The following FGF5 variants were observed in gnomAD, a reference collection of about 807,000 sequenced individuals.
FGF5 encodes heparin-binding growth factor 5.
A neutral mutation model predicts 21.8 loss-of-function variants in FGF5; 23 were observed. The observed-to-expected ratio is 1.05, with a 90% CI of 0.76 to 1.49. The LOEUF is 1.49. Among genes scored for constraint, FGF5 ranks in the 40% most tolerant of loss-of-function variants. The probability of loss-of-function intolerance (pLI) is 0.00; values close to 1 mark genes in which losing one functional copy is unlikely to be tolerated. For synonymous variants in FGF5, 158 were observed against 124.0 expected (o/e 1.27, Z -1.82); for missense variants, 352 against 332.9 (o/e 1.06, Z -0.45).
In FGF5 at chr4:80,286,474, C is replaced by T. The variant is rs771675935; in HGVS notation, c.609C>T (p.Ser203=). The T allele has an allele frequency of 1.9e-6, 3 of 1,613,956 alleles. No homozygotes were observed. The highest frequency in any genetic ancestry group is 2.5e-6 in the Non-Finnish European group (3 of 1,179,922). The part of the protein sequence containing the change: ...NKRGKAKRGC[S]PRVKPQHIST... ...GAGGAAAAGCCAAACGAGGGTGCAG[C>T]CCCCGGGTTAAACCCCAGCATATCT... is the stretch of plus-strand genomic sequence containing the variant. The change falls in exon 3 of 3, where the codon AGC becomes AGT. Residue 203 remains serine (S), a synonymous_variant. Transcript: ENST00000312465.
intron 1 of FGF5, among the ~76,000 whole-genome samples, chr4:80,273,417 GC>G (rs1720325554): frequency 6.6e-6 from 1 of 152,048 alleles, no homozygotes; most frequent in Admixed American, 6.6e-5. Context: ...AGCAGTGCTT[GC>G]TAGAATTATA....
In FGF5 at chr4:80,266,712, A is replaced by G. The variant is rs1317233535; in HGVS notation, c.-113A>G. 28 of 902,938 alleles carry G rather than the reference A, an allele frequency of 3.1e-5. No homozygotes were observed. The highest frequency in any genetic ancestry group is 1.7e-6 in the Non-Finnish European group (1 of 592,398). The allele number at this position is 902,938 out of a possible 1,614,324, so 55.9% of individuals were successfully genotyped here. ...CTCTCCCCTTCTCTTCCCCGAGGCT[A>G]TGTCCACCCGGTGCGGCGAGGCGGG... On this transcript the variant is annotated 5_prime_UTR_variant, in exon 1 of 3. It removes an upstream start codon present in the reference 5' UTR. Transcript: ENST00000312465.
chr4:80,270,465 G>T (rs1174113833), intron 1 of FGF5, among the ~76,000 whole-genome samples: 1 of 151,892 alleles, frequency 6.6e-6, no homozygotes, highest in African/African-American at 2.4e-5. Context: ...AGTTTACATG[G>T]ACCAATTAAT....
intron 1 of FGF5, among the ~76,000 whole-genome samples, chr4:80,270,068 C>T (rs112314648): frequency 6.6e-6 from 1 of 152,192 alleles, no homozygotes; most frequent in Non-Finnish European, 1.5e-5. Context: ...TTGGCCATGG[C>T]CTTTCTTAGA....
chr4:80,270,732 T>C (rs1720247894), intron 1 of FGF5, among the ~76,000 whole-genome samples: 1 of 152,204 alleles, frequency 6.6e-6, no homozygotes, highest in African/African-American at 2.4e-5. Flanking sequence ...AATCAAGTAG[T>C]TGTCAGTTTA....
rs534973969 is a variant in FGF5 at position 80,287,899 on chromosome 4, C to G, written c.*1227C>G. Reference sequence around the variant, plus strand: ...TCTGATGTTTATTAAAAAAACTGGCCTTTTGATAGAGGTAACTTAATTTGG... The same window carrying G: ...TCTGATGTTTATTAAAAAAACTGGCGTTTTGATAGAGGTAACTTAATTTGG... On this transcript the variant is annotated 3_prime_UTR_variant, in exon 3 of 3. Coordinates refer to ENST00000312465, the MANE Select transcript of FGF5 (RefSeq NM_004464.4). The G allele has an allele frequency of 2.3e-4, 35 of 152,128 alleles. No homozygotes were observed. Among genetic ancestry groups the G allele is most frequent in the Middle Eastern group, 6.8e-3 (2 of 294 alleles). 9.4% of individuals were successfully genotyped at this position (152,128 alleles called of 1,614,324 possible).
rs369250747 is a variant in FGF5 at position 80,286,425 on chromosome 4, A to T, written c.560A>T (p.Glu187Val). 1 of 1,613,806 alleles carries T rather than the reference A, an allele frequency of 6.2e-7. No homozygotes were observed. Residue 187 changes from glutamate (E) to valine (V), a missense_variant, in exon 3 of 3, where the codon GAG becomes GTG. Transcript: ENST00000312465. ...CATAGAACTGAAAAAACAGGGCGGG[A>T]GTGGTATGTGGCCCTGAATAAAAGA... Reference protein sequence around the residue: ...AIHRTEKTGREWYVALNKRGK... With the variant: ...AIHRTEKTGRVWYVALNKRGK...
intron 2 of FGF5, among the ~76,000 whole-genome samples, chr4:80,277,285 C>T (rs1720439198): frequency 6.6e-6 from 1 of 152,088 alleles, no homozygotes; most frequent in South Asian, 2.1e-4. Flanking sequence ...TCTTGTCACT[C>T]ACTGAAGCTC....
At position 80,286,655 on chromosome 4, in the gene FGF5, A is replaced by G; in HGVS notation, c.790A>G (p.Lys264Glu). The G allele has an allele frequency of 6.2e-7, 1 of 1,613,528 alleles. No individual in the cohort carries two copies. Among genetic ancestry groups the G allele is most frequent in the Non-Finnish European group, 8.5e-7 (1 of 1,179,702 alleles). The change falls in exon 3 of 3, where the codon AAG (lysine) becomes GAG (glutamate). Residue 264 changes from lysine to glutamate, a missense_variant. Coordinates refer to ENST00000312465, the MANE Select transcript of FGF5 (RefSeq NM_004464.4). ...KNTNSVKYRL[K>E]FRFG ...TACCAACTCAGTGAAATACAGACTC[A>G]AGTTTCGCTTTGGATAATATTCCTC... is the stretch of plus-strand genomic sequence containing the variant.
At chr4:80,270,327 A>G (rs1215787974) in intron 1 of FGF5, among the ~76,000 whole-genome samples, 1 of 152,226 alleles carries the variant, frequency 6.6e-6, no homozygotes, top group East Asian at 1.9e-4. Flanking sequence ...TAGAACAGAT[A>G]ATCATATGTG....
chr4:80,274,213 T>A (rs3822016), intron 1 of FGF5, among the ~76,000 whole-genome samples: 88,729 of 151,968 alleles, frequency 0.58, 28,730 homozygotes, highest in African/African-American at 0.86. Flanking sequence ...AATACAAAAT[T>A]TATACAACAA....
chr4:80,276,967 C>T (rs954255181), intron 2 of FGF5, among the ~76,000 whole-genome samples: 6 of 151,942 alleles, frequency 3.9e-5, no homozygotes, highest in Non-Finnish European at 8.8e-5. Flanking sequence ...TCAAAATATT[C>T]TGATTTATGC....
At chr4:80,273,004 A>G (rs3796607) in intron 1 of FGF5, among the ~76,000 whole-genome samples, 4,667 of 152,182 alleles carry the variant, frequency 0.031, 104 homozygotes, top group Middle Eastern at 0.075. Context: ...AACATATTAC[A>G]TCTGTGTAGA....
chr4:80,284,308 C>T (rs1720647542), intron 2 of FGF5, among the ~76,000 whole-genome samples: 1 of 152,166 alleles, frequency 6.6e-6, no homozygotes, highest in African/African-American at 2.4e-5. Flanking sequence ...GTGGCACACA[C>T]CTGTAATCCC....
chr4:80,284,453 AAACAACAAC>A (rs34567621), intron 2 of FGF5, among the ~76,000 whole-genome samples: 2 of 151,822 alleles, frequency 1.3e-5, no homozygotes, highest in South Asian at 2.1e-4. Context: ...AACAATAACA[AAACAACAAC>A]AACAACAACA....
chr4:80,266,652 G>A (rs1720094867), upstream of FGF5: 2 of 599,100 alleles, frequency 3.3e-6, no homozygotes, highest in Admixed American at 6.4e-5. Context: ...CCCGGTGCCA[G>A]CGCGGAGATC....
rs140803064 is a variant in FGF5 at position 80,266,858 on chromosome 4, A to G, written c.34A>G (p.Ser12Gly). ...GTCCTTCCTCCTCCTCCTCTTCTTC[A>G]GCCACCTGATCCTCAGCGCCTGGGC... ...SLSFLLLLFF[S>G]HLILSAWAHG... The change falls in exon 1 of 3, where the codon AGC (serine) becomes GGC (glycine). Residue 12 changes from serine (S) to glycine (G), a missense_variant. Physicochemically the swap from Ser to Gly is moderately conservative, Grantham distance 56. Coordinates refer to ENST00000312465, the MANE Select transcript of FGF5 (RefSeq NM_004464.4). 2.4e-5 allele frequency: 39 copies of G among 1,605,762 alleles called. No homozygotes were observed. The African/African-American group carries it at 3.9e-4, about 16-fold the overall frequency.
At chr4:80,268,590 C>G in intron 1 of FGF5, 1 of 926,576 alleles carries the variant, frequency 1.1e-6, no homozygotes, top group Non-Finnish European at 1.3e-6. Flanking sequence ...GGCTGGCTAG[C>G]CTCCTCCGGT....
Position 80,275,338 on chromosome 4 carries a change from A to G in FGF5, c.459+326A>G, listed in dbSNP as rs1026485092. Among the ~76,000 whole-genome samples the G allele has an allele frequency of 7.2e-5, 11 of 151,996 alleles. No homozygotes were observed. In the South Asian group the frequency reaches 1.0e-3, roughly 14 times the overall value. ...ATATGGCAATAATATATTTCATCAC[A>G]TTTTAAACTTACAAGTTTATAGTGA... On this transcript the variant is annotated intron_variant, in intron 2 of 2. Transcript: ENST00000312465.
Sources: gnomAD v4.1 joint callset for allele counts (sites outside exome capture counted in the v4.1 genomes callset) on GRCh38, gnomAD v4.1.1 for gene constraint, MANE v1.5 for transcripts, NCBI Gene and HGNC (gene_info 2026-07-23, HGNC 2026-07-21) for gene names.